The following COL5A2 variants were observed in gnomAD, a reference collection of about 807,000 sequenced individuals.
The protein encoded by COL5A2 is collagen alpha-2(V) chain.
A neutral mutation model predicts 208.2 loss-of-function variants in COL5A2; 23 were observed. The ratio of observed to expected loss-of-function variants is 0.11; its 90% CI spans 0.08 to 0.16. COL5A2 has a LOEUF of 0.16. COL5A2 is among the 10% of genes least tolerant of loss of function. The pLI, the probability that COL5A2 is intolerant of heterozygous loss-of-function variation, is 1.00. For synonymous variants in COL5A2, 625 were observed against 628.5 expected (o/e 0.99, Z 0.08); for missense variants, 1,590 against 1,956.4 (o/e 0.81, Z 3.53).
intron 1 of COL5A2, among the ~76,000 whole-genome samples, chr2:189,173,443 T>C (rs1201906452): frequency 1.3e-5 from 2 of 152,208 alleles, no homozygotes; most frequent in African/African-American, 4.8e-5. Flanking sequence ...AACCTTAAGG[T>C]TGCCAATATG....
At chr2:189,137,984 T>C (rs572097906) in intron 1 of COL5A2, among the ~76,000 whole-genome samples, 6 of 152,278 alleles carry the variant, frequency 3.9e-5, no homozygotes, top group Non-Finnish European at 7.4e-5. Context: ...GTTTAGGATA[T>C]ACATATATAA....
At chr2:189,408,879 A>C in the COL5A2 span, among the ~76,000 whole-genome samples, 2 of 152,166 alleles carry the variant, frequency 1.3e-5, no homozygotes, top group Admixed American at 1.3e-4. Flanking sequence ...GGTCCTCTTG[A>C]CTTTGGTTGC....
chr2:189,236,055 C>T, the COL5A2 span, among the ~76,000 whole-genome samples: 1 of 151,076 alleles, frequency 6.6e-6, no homozygotes, highest in Non-Finnish European at 1.5e-5. Flanking sequence ...CTCTGGTAGA[C>T]AGCATTTCAC....
intron 3 of COL5A2, among the ~76,000 whole-genome samples, chr2:189,103,449 G>A (rs7425294): frequency 0.13 from 19,970 of 151,894 alleles, 1,346 homozygotes; most frequent in Middle Eastern, 0.19. Flanking sequence ...GTGTGCAAAA[G>A]TAAAGAAAAT....
intron 1 of COL5A2, among the ~76,000 whole-genome samples, chr2:189,191,207 A>G (rs1688923773): frequency 6.6e-6 from 1 of 151,292 alleles, no homozygotes; most frequent in Non-Finnish European, 1.5e-5. Flanking sequence ...CAGGTGGCTT[A>G]AAGAAATTGG....
At chr2:189,296,645 T>C in the COL5A2 span, among the ~76,000 whole-genome samples, 24 of 152,360 alleles carry the variant, frequency 1.6e-4, no homozygotes, top group East Asian at 3.1e-3. Flanking sequence ...TGTAAATCCC[T>C]TATTCCTGGG....
At position 189,134,545 on chromosome 2, in the gene COL5A2, C is replaced by T. The variant is rs187790878; in HGVS notation, c.98-24096G>A. Among the ~76,000 whole-genome samples the T allele has an allele frequency of 4.0e-3, 613 of 152,224 alleles. 6 individuals are homozygous for T. Among genetic ancestry groups the T allele is most frequent in the African/African-American group, 0.012 (519 of 41,542 alleles). ...CGGAGGTTGCAGTGAGTCAAGATTG[C>T]GCCACTGCACTCCAGCCTGGGAAAT... On this transcript the variant is annotated intron_variant, in intron 1 of 53. Coordinates refer to ENST00000374866, the MANE Select transcript of COL5A2 (RefSeq NM_000393.5).
chr2:189,055,697 T>C (rs1685887547), intron 35 of COL5A2, among the ~76,000 whole-genome samples: 1 of 152,226 alleles, frequency 6.6e-6, no homozygotes, highest in Admixed American at 6.5e-5. Flanking sequence ...TACTATGAGA[T>C]TGCAGTAAGT....
chr2:189,318,956 C>T, the COL5A2 span, among the ~76,000 whole-genome samples: 1 of 152,164 alleles, frequency 6.6e-6, no homozygotes, highest in Non-Finnish European at 1.5e-5. Flanking sequence ...TATACATCTG[C>T]ACTTCTCAAA....
chr2:189,081,018 G>A lies in COL5A2; in HGVS notation c.878C>T (p.Pro293Leu), dbSNP rs754230712. Residue 293 changes from proline to leucine, a missense_variant, in exon 13 of 54, where the codon CCT becomes CTT. By Grantham distance (98) the Pro-to-Leu change is moderately conservative. Transcript: ENST00000374866. ...GTGACCCTTCAGACCTGGAAGACCAGGAGCCCCAGGAAATCCACGAGCTCC... is the reference window on the plus strand; with the variant it reads ...GTGACCCTTCAGACCTGGAAGACCAAGAGCCCCAGGAAATCCACGAGCTCC... ...SPGARGFPGA[P>L]GLPGLKGHRG... The A allele has an allele frequency of 5.0e-6, 8 of 1,613,412 alleles. No homozygotes were observed. The South Asian group carries it at 8.8e-5, about 18-fold the overall frequency.
the COL5A2 span, among the ~76,000 whole-genome samples, chr2:189,254,199 A>G: frequency 6.6e-6 from 1 of 152,366 alleles, no homozygotes; most frequent in African/African-American, 2.4e-5. Flanking sequence ...ACCTTTCCAA[A>G]AAGTAAAACT....
At position 189,068,120 on chromosome 2, in the gene COL5A2, A is replaced by G. The variant is rs776770122; in HGVS notation, c.1303-7T>C. 1 of 1,611,572 alleles carries G rather than the reference A, an allele frequency of 6.2e-7. No homozygotes were observed. The highest frequency in any genetic ancestry group is 1.3e-5 in the African/African-American group (1 of 74,964). On this transcript the variant is annotated splice_polypyrimidine_tract_variant and splice_region_variant and intron_variant, in intron 20 of 53. Coordinates refer to ENST00000374866, the MANE Select transcript of COL5A2 (RefSeq NM_000393.5). ...CAGAGGTACCTGGAGAGCCCTATTA[A>G]ACAGCAAGAGTGATGTGGTAAGTAG...
the COL5A2 span, among the ~76,000 whole-genome samples, chr2:189,322,864 A>G: frequency 6.6e-6 from 1 of 152,226 alleles, no homozygotes; most frequent in South Asian, 2.1e-4. Flanking sequence ...TGGCAGAGGC[A>G]CAACAAAAAA....
intron 1 of COL5A2, among the ~76,000 whole-genome samples, chr2:189,221,542 C>A (rs1310870926): frequency 6.6e-6 from 1 of 151,996 alleles, no homozygotes; most frequent in African/African-American, 2.4e-5. Flanking sequence ...ATAATAATAA[C>A]CATGATGTTA....
At chr2:189,339,475 T>A in the COL5A2 span, among the ~76,000 whole-genome samples, 1 of 152,212 alleles carries the variant, frequency 6.6e-6, no homozygotes. Flanking sequence ...GATTTACATT[T>A]GTGCATAGCA....
At chr2:189,239,959 T>C in the COL5A2 span, among the ~76,000 whole-genome samples, 2 of 152,100 alleles carry the variant, frequency 1.3e-5, no homozygotes, top group South Asian at 2.1e-4. Context: ...CCTCCAGAAA[T>C]GGAAGATAAT....
At chr2:189,301,073 G>A in the COL5A2 span, among the ~76,000 whole-genome samples, 1 of 151,660 alleles carries the variant, frequency 6.6e-6, no homozygotes, top group Admixed American at 6.6e-5. Context: ...TATAGTTTCA[G>A]CTACTCAGGA....
rs753036586 is a variant in COL5A2 at position 189,064,082 on chromosome 2, G to A, written c.1717-49C>T. The A allele has an allele frequency of 8.9e-6, 13 of 1,460,998 alleles. 1 individual carries two copies. The highest frequency in any genetic ancestry group is 8.4e-5 in the Admixed American group (5 of 59,478). The allele number at this position is 1,460,998 out of a possible 1,614,324, so 90.5% of individuals were successfully genotyped here. On this transcript the variant is annotated intron_variant, in intron 25 of 53. Transcript: ENST00000374866. Reference sequence around the variant, plus strand: ...AGTTTGTTGCTGATATGCAGTTGAAGTAAAGATTCTTAAGAGTAAAAATAG... The same window carrying A: ...AGTTTGTTGCTGATATGCAGTTGAAATAAAGATTCTTAAGAGTAAAAATAG...
the COL5A2 span, among the ~76,000 whole-genome samples, chr2:189,241,917 C>T: frequency 6.6e-6 from 1 of 152,068 alleles, no homozygotes; most frequent in African/African-American, 2.4e-5. Flanking sequence ...TTTGGCAGGC[C>T]CCAAATGGTA....
Sources: allele counts gnomAD v4.1 joint callset (sites outside exome capture counted in the v4.1 genomes callset), GRCh38; gene constraint gnomAD v4.1.1; transcripts MANE v1.5; gene names NCBI Gene and HGNC (gene_info 2026-07-23, HGNC 2026-07-21).